CCSER1: variants seen among roughly 807,000 people sequenced by gnomAD.
CCSER1 encodes the protein coiled-coil serine rich protein 1.
In CCSER1, 41 loss-of-function variants were observed where a neutral mutation model predicts 82.0. That is an observed-to-expected ratio of 0.50 (90% CI 0.39 to 0.65). CCSER1 has a LOEUF of 0.65. Among genes scored for constraint, CCSER1 ranks in the 30% least tolerant of loss-of-function variants. CCSER1 has a pLI of 0.00. For missense variants in CCSER1, 1,119 were observed against 1,064.2 expected (o/e 1.05, Z -0.72); for synonymous variants, 414 against 383.9 (o/e 1.08, Z -0.92).
intron 10 of CCSER1, among the ~76,000 whole-genome samples, chr4:91,134,739 T>G (rs189823039): frequency 7.2e-4 from 110 of 152,230 alleles, no homozygotes; most frequent in Non-Finnish European, 4.1e-4. Flanking sequence ...ACTGAAAATT[T>G]GTTGAGAAAG....
chr4:91,000,427 G>A (rs555222228), intron 9 of CCSER1, among the ~76,000 whole-genome samples: 1 of 152,074 alleles, frequency 6.6e-6, no homozygotes, highest in East Asian at 1.9e-4. Context: ...TGTTCCATAT[G>A]AATTTTAGTA....
intron 3 of CCSER1, among the ~76,000 whole-genome samples, chr4:90,318,920 G>C (rs79190057): frequency 0.027 from 4,054 of 152,204 alleles, 82 homozygotes; most frequent in Non-Finnish European, 0.039. Context: ...ACATTATCTT[G>C]CCAATACAAC....
chr4:91,325,106 G>A (rs1312625175), intron 10 of CCSER1: 2 of 452,924 alleles, frequency 4.4e-6, no homozygotes, highest in Non-Finnish European at 8.9e-6. Flanking sequence ...TTTACCAAGA[G>A]GGAGTACCTT....
chr4:91,022,419 T>C (rs967042560), intron 9 of CCSER1, among the ~76,000 whole-genome samples: 3 of 152,162 alleles, frequency 2.0e-5, no homozygotes, highest in African/African-American at 4.8e-5. Context: ...TTGTTGGACA[T>C]TTGGGTTGGT....
chr4:91,416,757 G>A (rs955815050), intron 10 of CCSER1, among the ~76,000 whole-genome samples: 4 of 152,086 alleles, frequency 2.6e-5, no homozygotes, highest in African/African-American at 9.7e-5. Flanking sequence ...AACCTTCAAA[G>A]AAAATCTAGG....
At chr4:90,749,180 T>G (rs1459677558) in intron 7 of CCSER1, among the ~76,000 whole-genome samples, 1 of 150,948 alleles carries the variant, frequency 6.6e-6, no homozygotes, top group African/African-American at 2.4e-5. Flanking sequence ...GGTCTAACGT[T>G]TAAGTCTTTA....
intron 5 of CCSER1, among the ~76,000 whole-genome samples, chr4:90,469,879 T>A (rs895144087): frequency 6.6e-6 from 1 of 152,196 alleles, no homozygotes; most frequent in South Asian, 2.1e-4. Flanking sequence ...AGATTTCAGA[T>A]GTTTTCAGAT....
intron 8 of CCSER1, among the ~76,000 whole-genome samples, chr4:90,918,571 C>G (rs977590341): frequency 3.1e-4 from 36 of 114,536 alleles, no homozygotes; most frequent in Admixed American, 2.5e-3. Context: ...AGTATGCGCA[C>G]GTGCAAATGA....
chr4:90,138,200 AT>A (rs1029110550), intron 1 of CCSER1, among the ~76,000 whole-genome samples: 3 of 151,544 alleles, frequency 2.0e-5, no homozygotes, highest in Non-Finnish European at 2.9e-5. Flanking sequence ...TCTTTTTTAA[AT>A]TTTTTTTTGA....
chr4:90,173,398 A>G (rs538751133), intron 1 of CCSER1, among the ~76,000 whole-genome samples: 2 of 151,896 alleles, frequency 1.3e-5, no homozygotes, highest in African/African-American at 4.8e-5. Context: ...AAATGGTTAC[A>G]TTCCTTTGCT....
chr4:91,394,654 G>A (rs1380729785), intron 10 of CCSER1, among the ~76,000 whole-genome samples: 1 of 151,952 alleles, frequency 6.6e-6, no homozygotes, highest in Non-Finnish European at 1.5e-5. Flanking sequence ...AAATTTAATA[G>A]CATTGAATGT....
At chr4:90,394,364 A>T (rs1455259631) in intron 3 of CCSER1, among the ~76,000 whole-genome samples, 6 of 152,172 alleles carry the variant, frequency 3.9e-5, no homozygotes, top group African/African-American at 1.4e-4. Context: ...ACTAATAATT[A>T]CTCAGTTTAG....
intron 7 of CCSER1, among the ~76,000 whole-genome samples, chr4:90,766,359 C>A (rs535293696): frequency 6.6e-6 from 1 of 152,230 alleles, no homozygotes; most frequent in Admixed American, 6.5e-5. Context: ...AGGATCACGC[C>A]TACTAAGTAA....
chr4:91,295,290 G>C (rs1219313599), intron 10 of CCSER1, among the ~76,000 whole-genome samples: 1 of 151,822 alleles, frequency 6.6e-6, no homozygotes, highest in Non-Finnish European at 1.5e-5. Flanking sequence ...AGTTTTTATA[G>C]GATATAAATA....
intron 9 of CCSER1, among the ~76,000 whole-genome samples, chr4:91,053,390 G>A (rs1317846871): frequency 6.6e-6 from 1 of 152,138 alleles, no homozygotes; most frequent in Non-Finnish European, 1.5e-5. Flanking sequence ...GTTTTGTCAA[G>A]CTATGGTGGA....
chr4:90,575,827 A>G (rs1198688630), intron 5 of CCSER1, among the ~76,000 whole-genome samples: 2 of 152,132 alleles, frequency 1.3e-5, no homozygotes, highest in Admixed American at 6.5e-5. Flanking sequence ...AATCTTTGTT[A>G]CTGTCAAGAA....
chr4:91,267,121 TGGTAGGTAAAGTTAAAA>T (rs1741650774), intron 10 of CCSER1, among the ~76,000 whole-genome samples: 1 of 152,108 alleles, frequency 6.6e-6, no homozygotes, highest in Non-Finnish European at 1.5e-5. Flanking sequence ...ATTGGAGAAG[TGGTAGGTAAAGTTAAAA>T]AGTAGGTAAA....
intron 10 of CCSER1, among the ~76,000 whole-genome samples, chr4:91,504,125 T>C (rs775589853): frequency 7.2e-5 from 11 of 152,198 alleles, no homozygotes; most frequent in Non-Finnish European, 2.9e-5. Flanking sequence ...ATTGTAAGTA[T>C]GGTTTCAAGA....
At chr4:90,966,744 C>T (rs1318569859) in intron 9 of CCSER1, among the ~76,000 whole-genome samples, 2 of 151,972 alleles carry the variant, frequency 1.3e-5, no homozygotes, top group African/African-American at 2.4e-5. Context: ...AATACAATTG[C>T]AGAAAGCAAT....
Sources: allele counts gnomAD v4.1 joint callset (sites outside exome capture counted in the v4.1 genomes callset), GRCh38; gene constraint gnomAD v4.1.1; transcripts MANE v1.5; gene names NCBI Gene and HGNC (gene_info 2026-07-23, HGNC 2026-07-21).